Variants in SLC44A5 observed in about 807,000 individuals in gnomAD.
SLC44A5 encodes the protein choline transporter-like protein 5.
Under a neutral mutation model 101.8 loss-of-function variants are expected in SLC44A5, and 57 were observed. That is an observed-to-expected ratio of 0.56 (90% CI 0.45 to 0.70). The LOEUF is 0.70. SLC44A5 is among the 30% of genes least tolerant of loss of function. The probability of loss-of-function intolerance (pLI) is 0.00; values close to 1 mark genes in which losing one functional copy is unlikely to be tolerated. For synonymous variants in SLC44A5, 281 were observed against 290.9 expected, an observed-to-expected ratio of 0.97 and a Z score of 0.35; for missense variants, 737 against 853.1, an observed-to-expected ratio of 0.86 and a Z score of 1.70.
the SLC44A5 span, among the ~76,000 whole-genome samples, chr1:75,690,829 G>A: frequency 2.0e-5 from 3 of 152,128 alleles, no homozygotes; most frequent in Non-Finnish European, 2.9e-5. Flanking sequence ...TCCACCCATT[G>A]GTTAAAGAAA....
chr1:75,340,434 C>T (rs1288622390), intron 3 of SLC44A5, among the ~76,000 whole-genome samples: 2 of 152,132 alleles, frequency 1.3e-5, no homozygotes, highest in Non-Finnish European at 2.9e-5. Flanking sequence ...AGGGATTTGT[C>T]CCTATAAAAA....
intron 7 of SLC44A5, 98 bp from the exon 8 acceptor site, chr1:75,243,109 CA>C: frequency 7.4e-7 from 1 of 1,349,786 alleles, no homozygotes; most frequent in Non-Finnish European, 9.9e-7. Flanking sequence ...TAACAAAAAG[CA>C]ATGCACTGTT....
intron 5 of SLC44A5, among the ~76,000 whole-genome samples, chr1:75,289,083 G>A (rs1465378854): frequency 6.6e-6 from 1 of 152,262 alleles, no homozygotes; most frequent in South Asian, 2.1e-4. Context: ...AGTTCCTGAG[G>A]GGTCCAGTAG....
At chr1:75,723,405 CACAG>C in the SLC44A5 span, among the ~76,000 whole-genome samples, 39,693 of 151,750 alleles carry the variant, frequency 0.26, 6,461 homozygotes, top group East Asian at 0.68. Flanking sequence ...GAGCTGCAGG[CACAG>C]ACAAACAAGG....
At chr1:75,669,985 G>A in the SLC44A5 span, among the ~76,000 whole-genome samples, 2 of 152,148 alleles carry the variant, frequency 1.3e-5, no homozygotes, top group Non-Finnish European at 2.9e-5. Context: ...TGTATAACAT[G>A]AGAGAAGGAT....
chr1:75,307,213 G>A (rs1006099851), intron 4 of SLC44A5, among the ~76,000 whole-genome samples: 15 of 152,044 alleles, frequency 9.9e-5, no homozygotes, highest in African/African-American at 2.7e-4. Context: ...GATTCCAGTC[G>A]GATGCTCACC....
the SLC44A5 span, among the ~76,000 whole-genome samples, chr1:75,688,774 G>A: frequency 6.6e-6 from 1 of 152,142 alleles, no homozygotes. Flanking sequence ...CCAGAAGCCA[G>A]GCAAGGACTC....
rs547746246 is a variant in SLC44A5, at chr1:75,324,467, A to G, written c.101+15115T>C. On this transcript the variant is annotated intron_variant, in intron 4 of 23. Transcript: ENST00000370859. Reference sequence around the variant, plus strand: ...AATGAAAATATAGCACTATGGTCTTATATCATAGCAACAAAATCCATGATG... The same window carrying G: ...AATGAAAATATAGCACTATGGTCTTGTATCATAGCAACAAAATCCATGATG... 4.6e-5 allele frequency among the ~76,000 whole-genome samples: 7 copies of G among 152,354 alleles called. No homozygotes were observed. The South Asian group carries it at 1.2e-3, about 27-fold the overall frequency.
At chr1:75,368,643 GCA>G (rs10598515) in intron 3 of SLC44A5, among the ~76,000 whole-genome samples, 29,844 of 143,496 alleles carry the variant, frequency 0.21, 3,783 homozygotes, top group East Asian at 0.75. Context: ...AAATGTGCAT[GCA>G]CACACACACA....
intron 6 of SLC44A5, among the ~76,000 whole-genome samples, chr1:75,266,320 C>CAA (rs1253998180): frequency 1.8e-5 from 2 of 110,150 alleles, no homozygotes; most frequent in African/African-American, 5.6e-5. Flanking sequence ...CATAGAAATA[C>CAA]ACACACACAC....
rs1339204811 is a variant in SLC44A5, at chr1:75,214,613, A to G, written c.1794T>C (p.Asn598=). The change falls in exon 20 of 24, where the codon AAT becomes AAC. Residue 598 remains asparagine (N), a synonymous_variant. Transcript: ENST00000370859. ...AKDAFNLLMR[N]VLKVAVTDEV... is the part of the protein sequence containing the mutation. ...GCAGCCTGATTACTTACTTCAAAAC[A>G]TTTCTCATCAGCAGATTGAAAGCAT... 42 of 1,611,436 alleles carry G rather than the reference A, an allele frequency of 2.6e-5. No individual in the cohort carries two copies. The highest frequency in any genetic ancestry group is 3.5e-5 in the Non-Finnish European group (41 of 1,178,672).
At chr1:75,361,255 A>G (rs1464047269) in intron 3 of SLC44A5, among the ~76,000 whole-genome samples, 1 of 152,146 alleles carries the variant, frequency 6.6e-6, no homozygotes, top group Non-Finnish European at 1.5e-5. Flanking sequence ...GTCATTAGCA[A>G]GCAGACAATT....
At chr1:75,559,742 GAA>G (rs752792391) in intron 1 of SLC44A5, among the ~76,000 whole-genome samples, 1 of 152,084 alleles carries the variant, frequency 6.6e-6, no homozygotes, top group Non-Finnish European at 1.5e-5. Context: ...TCCGAAAAGT[GAA>G]AAGACAACCC....
intron 1 of SLC44A5, among the ~76,000 whole-genome samples, chr1:75,586,389 G>A (rs1050614124): frequency 1.9e-4 from 26 of 139,216 alleles, no homozygotes; most frequent in African/African-American, 6.1e-4. Context: ...GTGTGTGTTT[G>A]TGTGTATCTG....
At position 75,323,329 on chromosome 1, in the gene SLC44A5, T is replaced by A. The variant is rs544928319; in HGVS notation, c.101+16253A>T. 5.9e-5 allele frequency among the ~76,000 whole-genome samples: 9 copies of A among 152,158 alleles called. 2 individuals are homozygous for A. The South Asian group carries it at 1.9e-3, about 32-fold the overall frequency. On this transcript the variant is annotated intron_variant, in intron 4 of 23. Transcript: ENST00000370859. ...GTGTATATGTGCCACATTTTCTTAA[T>A]CCAGTCTATCATTGTTGGACATTTG...
chr1:75,288,378 T>A (rs1310774529), intron 5 of SLC44A5, among the ~76,000 whole-genome samples: 1 of 152,176 alleles, frequency 6.6e-6, no homozygotes, highest in African/African-American at 2.4e-5. Context: ...ATGAAAAACT[T>A]TATGTTAAAA....
chr1:75,374,698 A>G (rs1169228911), intron 3 of SLC44A5, among the ~76,000 whole-genome samples: 1 of 152,192 alleles, frequency 6.6e-6, no homozygotes, highest in East Asian at 1.9e-4. Context: ...AAGCAAAAAT[A>G]CATCCCTTCA....
chr1:75,259,434 T>C (rs1650298191), intron 6 of SLC44A5, among the ~76,000 whole-genome samples: 2 of 151,960 alleles, frequency 1.3e-5, no homozygotes, highest in South Asian at 2.1e-4. Flanking sequence ...ATGTCAGAGA[T>C]TGAAGATCAA....
intron 7 of SLC44A5, among the ~76,000 whole-genome samples, chr1:75,246,179 TC>T (rs1334788300): frequency 2.0e-5 from 3 of 152,074 alleles, no homozygotes; most frequent in Non-Finnish European, 4.4e-5. Context: ...GTCTTAACAC[TC>T]AGTTACAAAT....
Sources: allele counts gnomAD v4.1 joint callset (sites outside exome capture counted in the v4.1 genomes callset), GRCh38; gene constraint gnomAD v4.1.1; transcripts MANE v1.5; gene names NCBI Gene and HGNC (gene_info 2026-07-23, HGNC 2026-07-21).